SLC25A27: variants seen among roughly 807,000 people sequenced by gnomAD.
SLC25A27 encodes mitochondrial uncoupling protein 4.
In SLC25A27, 35 loss-of-function variants were observed where a neutral mutation model predicts 49.1. The ratio of observed to expected loss-of-function variants is 0.71; its 90% CI spans 0.54 to 0.95. SLC25A27 has a LOEUF of 0.95. SLC25A27 is among the 40% of genes least tolerant of loss of function. The probability of loss-of-function intolerance (pLI) is 0.00; values close to 1 mark genes in which losing one functional copy is unlikely to be tolerated. For synonymous variants in SLC25A27, 144 were observed against 136.9 expected (o/e 1.05, Z -0.36); for missense variants, 339 against 397.1 (o/e 0.85, Z 1.24).
intron 5 of SLC25A27, among the ~76,000 whole-genome samples, chr6:46,668,482 G>C (rs911194728): frequency 2.6e-5 from 4 of 152,170 alleles, no homozygotes; most frequent in Non-Finnish European, 5.9e-5. Flanking sequence ...CAGGGGTTGA[G>C]CTGAATTTAG....
intron 1 of SLC25A27, chr6:46,654,003 A>T (rs1175665617): frequency 2.8e-6 from 2 of 704,388 alleles, no homozygotes. Context: ...TATAATGAAG[A>T]TATTATTAGG....
chr6:46,653,298 G>C lies in SLC25A27; in HGVS notation c.106G>C (p.Ala36Pro), dbSNP rs1762822645. The C allele has an allele frequency of 6.2e-7, 1 of 1,611,178 alleles. No individual in the cohort carries two copies. Among genetic ancestry groups the C allele is most frequent in the Non-Finnish European group, 8.5e-7 (1 of 1,179,010 alleles). ...SGCAATVAEL[A>P]TFPLDLTKTR... is the part of the protein sequence containing the mutation. The stretch of plus-strand genomic sequence containing the variant: ...CTGCGCGGCTACCGTGGCCGAGCTA[G>C]GTACCCGGCTGCCCACGCCTGGGCC... Residue 36 changes from alanine to proline, a missense_variant and splice_region_variant, in exon 1 of 9, where the codon GCA (alanine) becomes CCA (proline). Coordinates refer to ENST00000371347, the MANE Select transcript of SLC25A27 (RefSeq NM_004277.5).
intron 3 of SLC25A27, 29 bp from the exon 4 acceptor site, chr6:46,662,347 C>T: frequency 6.2e-7 from 1 of 1,609,890 alleles, no homozygotes. Context: ...TTAATGGCAA[C>T]TTTAAAAAGA....
At chr6:46,659,178 C>A in intron 3 of SLC25A27, 132 bp downstream of exon 3, 1 of 656,450 alleles carries the variant, frequency 1.5e-6, no homozygotes, top group South Asian at 1.9e-5. Flanking sequence ...CAATATAAGT[C>A]CAGATAATTG....
In SLC25A27 at chr6:46,659,005, GGTT is replaced by G; in HGVS notation, c.345_347del (p.Val116del). 6.2e-7 allele frequency: 1 copy of G among 1,613,574 alleles called. No homozygotes were observed. Among genetic ancestry groups the G allele is most frequent in the East Asian group, 2.2e-5 (1 of 44,858 alleles). ...TGGTCACATATGAACATCTCCGAGA[GGTT>G]GTGTTTGGCAAAAGTGAAGATGAGC... is the stretch of plus-strand genomic sequence containing the variant. On this transcript the variant is annotated inframe_deletion, in exon 3 of 9. Transcript: ENST00000371347.
intron 2 of SLC25A27, among the ~76,000 whole-genome samples, chr6:46,656,284 G>A (rs1470609356): frequency 6.6e-6 from 1 of 151,372 alleles, no homozygotes; most frequent in Non-Finnish European, 1.5e-5. Flanking sequence ...AGGTTCAAGC[G>A]ATTCTCCTGA....
chr6:46,675,277 A>C (rs1313348779), intron 8 of SLC25A27, among the ~76,000 whole-genome samples: 1 of 152,144 alleles, frequency 6.6e-6, no homozygotes, highest in African/African-American at 2.4e-5. Flanking sequence ...ATTGATTACC[A>C]CAGCAATTAA....
At chr6:46,655,422 T>G (rs1347794793) in intron 1 of SLC25A27, among the ~76,000 whole-genome samples, 1 of 152,110 alleles carries the variant, frequency 6.6e-6, no homozygotes, top group Non-Finnish European at 1.5e-5. Flanking sequence ...AATATGGTAC[T>G]TTAAATTATT....
intron 8 of SLC25A27, among the ~76,000 whole-genome samples, chr6:46,671,568 C>T (rs1240260669): frequency 6.6e-6 from 1 of 151,804 alleles, no homozygotes; most frequent in African/African-American, 2.4e-5. Flanking sequence ...ACAGATTTTA[C>T]ACTAGAGACC....
chr6:46,653,837 G>A, intron 1 of SLC25A27: 1 of 985,256 alleles, frequency 1.0e-6, no homozygotes, highest in Admixed American at 6.1e-5. Flanking sequence ...AATAATATAT[G>A]ATTGCTAAAC....
intron 4 of SLC25A27, 62 bp from the exon 5 acceptor site, chr6:46,664,712 C>T: frequency 1.3e-6 from 1 of 793,696 alleles, no homozygotes; most frequent in East Asian, 2.7e-5. Flanking sequence ...TGAAGCTTAT[C>T]CAGTTGAATT....
At chr6:46,661,388 C>A (rs960839326) in intron 3 of SLC25A27, among the ~76,000 whole-genome samples, 2 of 151,966 alleles carry the variant, frequency 1.3e-5, no homozygotes, top group African/African-American at 4.8e-5. Flanking sequence ...AAGTTATGTT[C>A]GTTAAATAAA....
chr6:46,676,667 A>G lies in SLC25A27; in HGVS notation c.*213A>G, dbSNP rs968701056. The G allele has an allele frequency of 1.9e-6, 3 of 1,550,706 alleles. No homozygotes were observed. Among genetic ancestry groups the G allele is most frequent in the Admixed American group, 2.0e-5 (1 of 50,976 alleles). On this transcript the variant is annotated 3_prime_UTR_variant, in exon 9 of 9. Coordinates refer to ENST00000371347, the MANE Select transcript of SLC25A27 (RefSeq NM_004277.5). ...AAAAGTGATCTGGTCGGATCTCACA[A>G]GGCCATCCAATGAGACCCCGCACAG...
intron 3 of SLC25A27, among the ~76,000 whole-genome samples, chr6:46,661,858 A>G (rs1763174924): frequency 6.6e-6 from 1 of 152,238 alleles, no homozygotes; most frequent in African/African-American, 2.4e-5. Context: ...ATAATAAAAT[A>G]GTAATTGTGA....
At chr6:46,674,307 A>T (rs555759161) in intron 8 of SLC25A27, among the ~76,000 whole-genome samples, 2 of 152,328 alleles carry the variant, frequency 1.3e-5, no homozygotes, top group South Asian at 4.1e-4. Flanking sequence ...TAAGAAAATC[A>T]TGGCTCAGAG....
Position 46,676,538 on chromosome 6 carries a change from CTA to C in SLC25A27, c.*85_*86del. On this transcript the variant is annotated 3_prime_UTR_variant, in exon 9 of 9. Transcript: ENST00000371347. Reference sequence around the variant, plus strand: ...CTGCAACACATACCCCCTATTATTTCTACCTCTTTAGGAAGACACCTATTCCA... The same window carrying C: ...CTGCAACACATACCCCCTATTATTTCCCTCTTTAGGAAGACACCTATTCCA... 1 of 1,608,660 alleles carries C rather than the reference CTA, an allele frequency of 6.2e-7. No homozygotes were observed. Among genetic ancestry groups the C allele is most frequent in the Non-Finnish European group, 8.5e-7 (1 of 1,176,838 alleles).
intron 1 of SLC25A27, 114 bp downstream of exon 1, chr6:46,653,412 A>T (rs1582490231): frequency 6.9e-7 from 1 of 1,439,466 alleles, no homozygotes; most frequent in Non-Finnish European, 9.0e-7. Context: ...CGCCCCTTCC[A>T]TGCCCGCCTG....
At chr6:46,657,402 G>T (rs1481096376) in intron 2 of SLC25A27, among the ~76,000 whole-genome samples, 3 of 152,164 alleles carry the variant, frequency 2.0e-5, no homozygotes, top group Non-Finnish European at 4.4e-5. Context: ...GGCAGAGGTT[G>T]CAGTGAGCCG....
rs755756459 is a variant in SLC25A27 at position 46,676,652 on chromosome 6, T to G, written c.*198T>G. On this transcript the variant is annotated 3_prime_UTR_variant, in exon 9 of 9. Coordinates refer to ENST00000371347, the MANE Select transcript of SLC25A27 (RefSeq NM_004277.5). ...CTCCTCTTTTTGTCCAAAAGTGATCTGGTCGGATCTCACAAGGCCATCCAA... is the reference window on the plus strand; with the variant it reads ...CTCCTCTTTTTGTCCAAAAGTGATCGGGTCGGATCTCACAAGGCCATCCAA... 11 of 1,550,858 alleles carry G rather than the reference T, an allele frequency of 7.1e-6. No homozygotes were observed. The highest frequency in any genetic ancestry group is 8.7e-6 in the Non-Finnish European group (10 of 1,147,026).
Sources: gnomAD v4.1 joint callset for allele counts (sites outside exome capture counted in the v4.1 genomes callset) on GRCh38, gnomAD v4.1.1 for gene constraint, MANE v1.5 for transcripts, NCBI Gene and HGNC (gene_info 2026-07-23, HGNC 2026-07-21) for gene names.